LGR5: variants seen among roughly 807,000 people sequenced by gnomAD.
The protein encoded by LGR5 is leucine rich repeat containing G protein-coupled receptor 5, also known as leucine-rich repeat-containing G protein-coupled receptor 5.
LGR5 carries 54 observed loss-of-function variants against 76.7 expected under a neutral mutation model. The observed-to-expected ratio is 0.70, with a 90% CI of 0.57 to 0.88. The LOEUF is 0.88. Ranked by LOEUF, LGR5 falls within the 40% of genes least tolerant of loss-of-function variation. The pLI is 0.00. For synonymous variants in LGR5, 406 were observed against 421.9 expected (o/e 0.96, Z 0.46); for missense variants, 1,078 against 1,073.3 (o/e 1.00, Z -0.06).
intron 16 of LGR5, among the ~76,000 whole-genome samples, chr12:71,581,856 C>A (rs1342316771): frequency 6.6e-6 from 1 of 152,176 alleles, no homozygotes; most frequent in Non-Finnish European, 1.5e-5. Flanking sequence ...ACTCACATAG[C>A]AACTTTTAAA....
chr12:71,548,740 C>G (rs1427321689), intron 4 of LGR5, among the ~76,000 whole-genome samples: 1 of 152,024 alleles, frequency 6.6e-6, no homozygotes, highest in Non-Finnish European at 1.5e-5. Context: ...CAAGGTCATA[C>G]AGCTTCTAGA....
chr12:71,535,018 T>C (rs1459058741), intron 3 of LGR5, 97 bp from the exon 4 acceptor site: 1 of 725,990 alleles, frequency 1.4e-6, no homozygotes, highest in East Asian at 2.7e-5. Flanking sequence ...TCTGATGCTC[T>C]GTTGTTTTTC....
At chr12:71,529,835 A>T (rs1876210796) in intron 3 of LGR5, among the ~76,000 whole-genome samples, 1 of 151,990 alleles carries the variant, frequency 6.6e-6, no homozygotes, top group Non-Finnish European at 1.5e-5. Flanking sequence ...GCACCCCTGT[A>T]ATCCCAGCTA....
chr12:71,518,060 G>A (rs1403056071), intron 2 of LGR5, among the ~76,000 whole-genome samples: 1 of 151,720 alleles, frequency 6.6e-6, no homozygotes, highest in East Asian at 1.9e-4. Flanking sequence ...TTGACCCCCT[G>A]GTCTATTCTC....
chr12:71,579,728 G>A (rs2137475110), intron 15 of LGR5, among the ~76,000 whole-genome samples: 1 of 152,142 alleles, frequency 6.6e-6, no homozygotes, highest in South Asian at 2.1e-4. Context: ...TGAATAGTCG[G>A]TGTTATTTAT....
chr12:71,465,761 A>C (rs552763148), intron 1 of LGR5, among the ~76,000 whole-genome samples: 67 of 152,324 alleles, frequency 4.4e-4, no homozygotes, highest in African/African-American at 1.6e-3. Flanking sequence ...TTTTCAGGTA[A>C]CATAAACTGA....
chr12:71,532,187 A>G (rs1397068999), intron 3 of LGR5, among the ~76,000 whole-genome samples: 3 of 152,222 alleles, frequency 2.0e-5, no homozygotes, highest in African/African-American at 7.2e-5. Context: ...AAATACTTAG[A>G]AAACATTTTT....
chr12:71,444,991 G>C (rs1871919807), intron 1 of LGR5, among the ~76,000 whole-genome samples: 1 of 151,936 alleles, frequency 6.6e-6, no homozygotes, highest in South Asian at 2.1e-4. Context: ...AGTCATTTTA[G>C]CTACAAATTT....
chr12:71,582,363 T>C (rs1879128057), intron 16 of LGR5, 93 bp from the exon 17 acceptor site: 1 of 984,268 alleles, frequency 1.0e-6, no homozygotes, highest in Non-Finnish European at 1.6e-6. Flanking sequence ...TGACAGTTCA[T>C]GTCTCCAGAA....
intron 4 of LGR5, among the ~76,000 whole-genome samples, chr12:71,538,631 T>C (rs939112382): frequency 6.6e-6 from 1 of 152,202 alleles, no homozygotes; most frequent in African/African-American, 2.4e-5. Flanking sequence ...TCTCCAGAAC[T>C]CTTTTCAAAC....
chr12:71,520,391 C>G (rs1402836787), intron 2 of LGR5, among the ~76,000 whole-genome samples: 1 of 151,970 alleles, frequency 6.6e-6, no homozygotes, highest in Non-Finnish European at 1.5e-5. Flanking sequence ...TTACCAGGGG[C>G]TGGAAATAAG....
intron 1 of LGR5, among the ~76,000 whole-genome samples, chr12:71,460,987 G>A (rs1872663746): frequency 6.6e-6 from 1 of 152,150 alleles, no homozygotes; most frequent in Non-Finnish European, 1.5e-5. Context: ...GCTCTGCTGA[G>A]AACAGAACCA....
At chr12:71,579,037 C>T in intron 15 of LGR5, 108 bp downstream of exon 15, 1 of 991,348 alleles carries the variant, frequency 1.0e-6, no homozygotes, top group Non-Finnish European at 1.4e-6. Context: ...TTTTGAATTG[C>T]ATTTCATGCC....
intron 2 of LGR5, among the ~76,000 whole-genome samples, chr12:71,512,751 A>C (rs917761151): frequency 6.7e-6 from 1 of 150,336 alleles, no homozygotes; most frequent in Non-Finnish European, 1.5e-5. Context: ...ATTCAAGGGA[A>C]GAACTGATTT....
chr12:71,466,644 TG>T (rs1472159590), intron 1 of LGR5, among the ~76,000 whole-genome samples: 1 of 150,258 alleles, frequency 6.7e-6, no homozygotes, highest in African/African-American at 2.5e-5. Flanking sequence ...CTATAATACA[TG>T]TGATAATAAT....
At chr12:71,536,093 A>G (rs1345094442) in intron 4 of LGR5, among the ~76,000 whole-genome samples, 2 of 152,140 alleles carry the variant, frequency 1.3e-5, no homozygotes, top group African/African-American at 4.8e-5. Context: ...ATATGCTGTA[A>G]TTTTACTTAC....
chr12:71,468,627 G>T (rs1257957436), intron 1 of LGR5, among the ~76,000 whole-genome samples: 1 of 150,068 alleles, frequency 6.7e-6, no homozygotes, highest in Non-Finnish European at 1.5e-5. Flanking sequence ...AGCTTTCAAA[G>T]CCAGCCATAT....
At chr12:71,578,063 A>C (rs1878935287) in intron 14 of LGR5, 67 bp downstream of exon 14, 2 of 1,309,856 alleles carry the variant, frequency 1.5e-6, no homozygotes, top group African/African-American at 2.9e-5. Flanking sequence ...TTAATTTTAA[A>C]AGTTGGTTTT....
intron 4 of LGR5, among the ~76,000 whole-genome samples, chr12:71,540,665 A>G: frequency 6.6e-6 from 1 of 152,166 alleles, no homozygotes; most frequent in East Asian, 1.9e-4. Context: ...GGAGGAAGAC[A>G]TGGGGCTCAC....
Sources: allele counts gnomAD v4.1 joint callset (sites outside exome capture counted in the v4.1 genomes callset), GRCh38; gene constraint gnomAD v4.1.1; transcripts MANE v1.5; gene names NCBI Gene and HGNC (gene_info 2026-07-23, HGNC 2026-07-21).